DPP10: variants seen among roughly 807,000 people sequenced by gnomAD.
DPP10 encodes inactive dipeptidyl peptidase 10.
In DPP10, 33 loss-of-function variants were observed where a neutral mutation model predicts 120.9. That is an observed-to-expected ratio of 0.27 (90% confidence interval 0.21 to 0.37). The LOEUF is 0.37. Among genes scored for constraint, DPP10 ranks in the 10% least tolerant of loss-of-function variants. The probability of loss-of-function intolerance (pLI) is 1.00; values close to 1 mark genes in which losing one functional copy is unlikely to be tolerated. For synonymous variants in DPP10, 337 were observed against 326.1 expected (o/e 1.03, Z -0.36); for missense variants, 816 against 942.8 (o/e 0.87, Z 1.76).
At chr2:115,708,265 A>G (rs1468047015) in intron 7 of DPP10, among the ~76,000 whole-genome samples, 1 of 152,022 alleles carries the variant, frequency 6.6e-6, no homozygotes, top group East Asian at 1.9e-4. Context: ...CAAGGGACAT[A>G]AAGGACTAGA....
Position 115,836,477 on chromosome 2 carries a change from T to C in DPP10, c.2051-30T>C, listed in dbSNP as rs17045144. The C allele has an allele frequency of 2.4e-3, 3,921 of 1,600,452 alleles. 79 individuals carry two copies. The African/African-American group carries it at 0.041, about 17-fold the overall frequency. On this transcript the variant is annotated intron_variant, in intron 22 of 25. Coordinates refer to ENST00000410059, the MANE Select transcript of DPP10 (RefSeq NM_020868.6). ...TGCCAGTCAAATAGTTTTTAGTTTCTTCTCGAATGTCTGTTTTCTTGGGTC... is the reference window on the plus strand; with the variant it reads ...TGCCAGTCAAATAGTTTTTAGTTTCCTCTCGAATGTCTGTTTTCTTGGGTC...
intron 3 of DPP10, among the ~76,000 whole-genome samples, chr2:115,395,587 A>T (rs1054655475): frequency 6.6e-6 from 1 of 152,136 alleles, no homozygotes; most frequent in Non-Finnish European, 1.5e-5. Flanking sequence ...TTTGAAGCTC[A>T]GTTTCTTTCT....
chr2:115,833,785 AT>A (rs1689167581), intron 21 of DPP10, among the ~76,000 whole-genome samples: 1 of 152,222 alleles, frequency 6.6e-6, no homozygotes, highest in Non-Finnish European at 1.5e-5. Context: ...CATCCCTGAG[AT>A]AACACATTAT....
At chr2:115,403,887 T>A (rs184048987) in intron 3 of DPP10, among the ~76,000 whole-genome samples, 3 of 152,208 alleles carry the variant, frequency 2.0e-5, no homozygotes, top group African/African-American at 7.2e-5. Context: ...GATCAATGAA[T>A]GCACTAGAGT....
At chr2:115,622,807 C>T (rs980352696) in intron 5 of DPP10, among the ~76,000 whole-genome samples, 5 of 149,704 alleles carry the variant, frequency 3.3e-5, no homozygotes, top group African/African-American at 1.2e-4. Context: ...TATTAGAACA[C>T]AGCCACCCCC....
At chr2:115,748,666 T>TA (rs1447288802) in intron 10 of DPP10, among the ~76,000 whole-genome samples, 1 of 152,168 alleles carries the variant, frequency 6.6e-6, no homozygotes, top group Non-Finnish European at 1.5e-5. Context: ...TCCTTATTTA[T>TA]AATAACTAGT....
At position 115,499,564 on chromosome 2, in the gene DPP10, A is replaced by G; in HGVS notation, c.326A>G (p.Glu109Gly). The G allele has an allele frequency of 6.2e-7, 1 of 1,611,912 alleles. No individual in the cohort carries two copies. The highest frequency in any genetic ancestry group is 8.5e-7 in the Non-Finnish European group (1 of 1,178,644). The change falls in exon 4 of 26, where the codon GAA (glutamate) becomes GGA (glycine). Residue 109 changes from glutamate to glycine, a missense_variant. This residue lies in a region of DPP10 where 182 missense variants were observed against 207.4 expected (regional missense o/e 0.88). Coordinates refer to ENST00000410059, the MANE Select transcript of DPP10 (RefSeq NM_020868.6). ...ENGHVIKLNI[E>G]TNATTLLLEN... ...GGACATGTCATTAAACTGAATATAG[A>G]AACAAATGCTACCACATTATTATTG...
At chr2:114,854,668 G>A (rs1689231894) in intron 1 of DPP10, among the ~76,000 whole-genome samples, 1 of 152,210 alleles carries the variant, frequency 6.6e-6, no homozygotes, top group Non-Finnish European at 1.5e-5. Context: ...CTTTGTTATG[G>A]AAATTGTAAG....
intron 1 of DPP10, among the ~76,000 whole-genome samples, chr2:114,545,122 T>C (rs1416344027): frequency 6.6e-6 from 1 of 152,158 alleles, no homozygotes; most frequent in Admixed American, 6.5e-5. Context: ...ATTGCTGAGA[T>C]TACAGGTGTG....
intron 1 of DPP10, among the ~76,000 whole-genome samples, chr2:115,269,547 G>A (rs1048260290): frequency 1.3e-5 from 2 of 152,142 alleles, no homozygotes; most frequent in Non-Finnish European, 2.9e-5. Flanking sequence ...TACTTGTGGG[G>A]TCTCAGTTTT....
At chr2:115,621,341 T>C (rs1457689604) in intron 5 of DPP10, among the ~76,000 whole-genome samples, 1 of 152,248 alleles carries the variant, frequency 6.6e-6, no homozygotes, top group Non-Finnish European at 1.5e-5. Flanking sequence ...ACAGCAATTA[T>C]TTCTAGCTAC....
At chr2:114,809,018 T>C (rs1299545261) in intron 1 of DPP10, among the ~76,000 whole-genome samples, 2 of 128,056 alleles carry the variant, frequency 1.6e-5, no homozygotes, top group Non-Finnish European at 3.5e-5. Context: ...TTTGAATTAA[T>C]GCATTTTTAT....
chr2:114,770,131 G>A (rs1425745204), intron 1 of DPP10, among the ~76,000 whole-genome samples: 1 of 152,114 alleles, frequency 6.6e-6, no homozygotes, highest in Non-Finnish European at 1.5e-5. Flanking sequence ...AGAAAAAATA[G>A]AGTACCAAAA....
At chr2:114,957,346 A>T (rs1364943628) in intron 1 of DPP10, among the ~76,000 whole-genome samples, 3 of 152,168 alleles carry the variant, frequency 2.0e-5, no homozygotes, top group Non-Finnish European at 4.4e-5. Context: ...AATATATTAC[A>T]AAATTCTCAA....
intron 5 of DPP10, among the ~76,000 whole-genome samples, chr2:115,532,967 A>G (rs2078561785): frequency 6.6e-6 from 1 of 152,052 alleles, no homozygotes. Flanking sequence ...CATCCTTAAA[A>G]AGTCAAGAGT....
chr2:115,076,617 T>C (rs548566595), intron 1 of DPP10, among the ~76,000 whole-genome samples: 4 of 152,344 alleles, frequency 2.6e-5, no homozygotes, highest in Non-Finnish European at 5.9e-5. Context: ...CATGTAACAT[T>C]GAACCTCTTG....
chr2:115,487,048 C>T (rs546768637), intron 3 of DPP10, among the ~76,000 whole-genome samples: 3 of 152,192 alleles, frequency 2.0e-5, no homozygotes, highest in South Asian at 2.1e-4. Context: ...CTAACTTTAT[C>T]TTATTTACCA....
At chr2:115,310,333 T>A (rs2061526231) in intron 2 of DPP10, among the ~76,000 whole-genome samples, 1 of 152,206 alleles carries the variant, frequency 6.6e-6, no homozygotes, top group Non-Finnish European at 1.5e-5. Flanking sequence ...CAAAATATGA[T>A]TAACAATAAC....
intron 2 of DPP10, among the ~76,000 whole-genome samples, chr2:115,322,222 G>T (rs1574416949): frequency 6.6e-6 from 1 of 152,074 alleles, no homozygotes; most frequent in East Asian, 1.9e-4. Context: ...GTAGCTATTT[G>T]TGTTTTCTTT....
Sources: gnomAD v4.1 joint callset for allele counts (sites outside exome capture counted in the v4.1 genomes callset) on GRCh38, gnomAD v4.1.1 for gene constraint, gnomAD v4.1.1 regional missense constraint, MANE v1.5 for transcripts, NCBI Gene and HGNC (gene_info 2026-07-23, HGNC 2026-07-21) for gene names.